RNF6: variants seen among roughly 807,000 people sequenced by gnomAD.
RNF6 encodes ring finger protein 6.
Under a neutral mutation model 50.1 loss-of-function variants are expected in RNF6, and 21 were observed. That is an observed-to-expected ratio of 0.42 (90% CI 0.30 to 0.60). RNF6 has a LOEUF of 0.60. RNF6 is among the 20% of genes least tolerant of loss of function. The probability of loss-of-function intolerance (pLI) is 0.20; values close to 1 mark genes in which losing one functional copy is unlikely to be tolerated. For missense variants in RNF6, 698 were observed against 838.2 expected, an observed-to-expected ratio of 0.83 and a Z score of 2.07; for synonymous variants, 255 against 291.8, an observed-to-expected ratio of 0.87 and a Z score of 1.29.
intron 5 of RNF6, among the ~76,000 whole-genome samples, chr13:26,134,670 A>G (rs1870558412): frequency 6.6e-6 from 1 of 152,106 alleles, no homozygotes; most frequent in Non-Finnish European, 1.5e-5. Flanking sequence ...GAGTCTTCGT[A>G]GGTTTTTTCT....
intron 5 of RNF6, among the ~76,000 whole-genome samples, chr13:26,154,834 A>C (rs1871821242): frequency 6.6e-6 from 1 of 152,150 alleles, no homozygotes; most frequent in Non-Finnish European, 1.5e-5. Context: ...GCTTGAGACC[A>C]GCCTGGCCAA....
intron 5 of RNF6, among the ~76,000 whole-genome samples, chr13:26,206,489 A>G (rs957161373): frequency 6.6e-6 from 1 of 152,226 alleles, no homozygotes; most frequent in African/African-American, 2.4e-5. Flanking sequence ...GTTAACTTTC[A>G]GGACCATTGG....
At chr13:26,173,001 G>A (rs7990091) in intron 5 of RNF6, among the ~76,000 whole-genome samples, 26,285 of 152,208 alleles carry the variant, frequency 0.17, 2,459 homozygotes, top group Admixed American at 0.24. Flanking sequence ...TAGAGAAGGA[G>A]AAAAGCCAGG....
chr13:26,164,840 G>T (rs1433886152), intron 5 of RNF6, among the ~76,000 whole-genome samples: 1 of 152,146 alleles, frequency 6.6e-6, no homozygotes, highest in Non-Finnish European at 1.5e-5. Flanking sequence ...AAGACATTCA[G>T]TTTTATAACA....
At chr13:26,205,793 C>T (rs372988924) in intron 5 of RNF6, among the ~76,000 whole-genome samples, 3 of 152,322 alleles carry the variant, frequency 2.0e-5, no homozygotes, top group African/African-American at 7.2e-5. Flanking sequence ...GCAGGAGGAT[C>T]GCTTGAGTCC....
chr13:26,193,911 T>G (rs1285402644), intron 5 of RNF6, among the ~76,000 whole-genome samples: 8 of 152,218 alleles, frequency 5.3e-5, no homozygotes, highest in African/African-American at 1.7e-4. Context: ...AGCTTGTAGA[T>G]GTTCTTGTGT....
chr13:26,205,048 G>T (rs535219252), intron 5 of RNF6, among the ~76,000 whole-genome samples: 75 of 152,284 alleles, frequency 4.9e-4, no homozygotes, highest in African/African-American at 1.7e-3. Flanking sequence ...CTGGAGCAAC[G>T]TGATAAATTG....
At chr13:26,186,771 CTTCT>C (rs137871932) in intron 5 of RNF6, among the ~76,000 whole-genome samples, 94,356 of 140,146 alleles carry the variant, frequency 0.67, 30,611 homozygotes, top group Middle Eastern at 0.74. Context: ...GACCTTTCTT[CTTCT>C]TTTTTTTTTT....
chr13:26,174,642 TACTC>T (rs1445714083), intron 5 of RNF6, among the ~76,000 whole-genome samples: 3 of 152,084 alleles, frequency 2.0e-5, no homozygotes, highest in East Asian at 1.9e-4. Flanking sequence ...GAAACAAAGT[TACTC>T]ACCCCCTTAG....
intron 5 of RNF6, among the ~76,000 whole-genome samples, chr13:26,150,203 G>A (rs747109471): frequency 1.3e-5 from 2 of 151,738 alleles, no homozygotes; most frequent in Admixed American, 6.6e-5. Context: ...GAGCAATTCC[G>A]GATTTTGCCC....
Position 26,213,790 on chromosome 13 carries a change from A to G in RNF6, c.*34T>C, listed in dbSNP as rs767215878. 4.0e-6 allele frequency: 6 copies of G among 1,507,486 alleles called. No individual in the cohort carries two copies. Among genetic ancestry groups the G allele is most frequent in the Non-Finnish European group, 5.4e-6 (6 of 1,114,290 alleles). 93.4% of individuals were successfully genotyped at this position (1,507,486 alleles called of 1,614,324 possible). ...AAACAATGCTTGAACATTCAGTTCT[A>G]CTAAAAAACAGTATTTGAGTAGATC... is the stretch of plus-strand genomic sequence containing the variant. On this transcript the variant is annotated 3_prime_UTR_variant, in exon 5 of 5. Transcript: ENST00000381588.
chr13:26,218,463 C>A, intron 4 of RNF6, 48 bp downstream of exon 4: 1 of 1,423,336 alleles, frequency 7.0e-7, no homozygotes, highest in East Asian at 2.3e-5. Context: ...TTCATTTCTG[C>A]AAGTGCTCCA....
intron 5 of RNF6, among the ~76,000 whole-genome samples, chr13:26,203,474 A>T (rs1298818500): frequency 6.6e-6 from 1 of 152,266 alleles, no homozygotes; most frequent in Non-Finnish European, 1.5e-5. Context: ...GCACCACTTA[A>T]GAGAACCTGC....
Position 26,215,116 on chromosome 13 carries a change from T to C in RNF6, c.766A>G (p.Ser256Gly), listed in dbSNP as rs375737237. The change falls in exon 5 of 5, where the codon AGT (serine) becomes GGT (glycine). Residue 256 changes from serine (S) to glycine (G), a missense_variant. Physicochemically the swap from Ser to Gly is moderately conservative, Grantham distance 56. Transcript: ENST00000381588. ...PRANASRTNF[S>G]SHTNQSGGSE... is the part of the protein sequence containing the mutation. Reference sequence around the variant, plus strand: ...CCACCTGATTGGTTTGTGTGACTACTGAAATTAGTGCGTGAAGCGTTAGCT... The same window carrying C: ...CCACCTGATTGGTTTGTGTGACTACCGAAATTAGTGCGTGAAGCGTTAGCT... The C allele has an allele frequency of 6.2e-7, 1 of 1,614,122 alleles. No homozygotes were observed. The highest frequency in any genetic ancestry group is 8.5e-7 in the Non-Finnish European group (1 of 1,180,046).
intron 5 of RNF6, among the ~76,000 whole-genome samples, chr13:26,193,181 T>C (rs1868527343): frequency 6.6e-6 from 1 of 152,094 alleles, no homozygotes; most frequent in South Asian, 2.1e-4. Flanking sequence ...GGGGGAGATG[T>C]CTATGGATAT....
chr13:26,149,936 A>T (rs890322397), intron 5 of RNF6, among the ~76,000 whole-genome samples: 3 of 97,884 alleles, frequency 3.1e-5, no homozygotes, highest in Non-Finnish European at 4.3e-5. Flanking sequence ...ATATATACAC[A>T]GTGTATATAT....
intron 5 of RNF6, among the ~76,000 whole-genome samples, chr13:26,159,954 T>C (rs1295928216): frequency 2.0e-5 from 3 of 152,144 alleles, no homozygotes; most frequent in Admixed American, 6.6e-5. Context: ...TTCCTTATAT[T>C]TTTAGATTTG....
intron 5 of RNF6, among the ~76,000 whole-genome samples, chr13:26,198,081 G>A (rs1311545647): frequency 2.0e-5 from 3 of 151,298 alleles, no homozygotes; most frequent in Non-Finnish European, 4.4e-5. Context: ...GTATATATGT[G>A]AGAATATGTA....
chr13:26,170,721 G>T (rs1257911097), intron 5 of RNF6, among the ~76,000 whole-genome samples: 3 of 151,952 alleles, frequency 2.0e-5, no homozygotes, highest in Admixed American at 6.6e-5. Context: ...AACACTTCTT[G>T]GTAAAGTTAT....
Sources: gnomAD v4.1 joint callset for allele counts (sites outside exome capture counted in the v4.1 genomes callset) on GRCh38, gnomAD v4.1.1 for gene constraint, MANE v1.5 for transcripts, NCBI Gene and HGNC (gene_info 2026-07-23, HGNC 2026-07-21) for gene names.